The following PDE3A variants were observed in gnomAD, a reference collection of about 807,000 sequenced individuals.
The protein encoded by PDE3A is cGMP-inhibited 3',5'-cyclic phosphodiesterase 3A.
PDE3A carries 43 observed loss-of-function variants against 98.3 expected under a neutral mutation model. The ratio of observed to expected loss-of-function variants is 0.44; its 90% CI spans 0.34 to 0.56. The LOEUF (loss-of-function observed/expected upper bound fraction) is 0.56. PDE3A is among the 20% of genes least tolerant of loss of function. The probability of loss-of-function intolerance (pLI) is 0.01; values close to 1 mark genes in which losing one functional copy is unlikely to be tolerated. For missense variants in PDE3A, 1,427 were observed against 1,440.7 expected (o/e 0.99, Z 0.15); for synonymous variants, 663 against 567.9 (o/e 1.17, Z -2.38).
In PDE3A at chr12:20,685,207, G is replaced by C. The variant is rs1225240262; in HGVS notation, c.*4936G>C. On this transcript the variant is annotated 3_prime_UTR_variant, in exon 16 of 16. Transcript: ENST00000359062. ...GCTGGTGGATCACCTGAGGTCGGGA[G>C]TTCGACACCAGCCTGACCAACACGG... is the stretch of plus-strand genomic sequence containing the variant. 6.6e-6 allele frequency among the ~76,000 whole-genome samples: 1 copy of C among 152,010 alleles called. No homozygotes were observed. Among genetic ancestry groups the C allele is most frequent in the African/African-American group, 2.4e-5 (1 of 41,382 alleles).
intron 4 of PDE3A, among the ~76,000 whole-genome samples, chr12:20,620,939 C>CCGCATCGCAT (rs1239403116): frequency 1.3e-5 from 2 of 152,004 alleles, no homozygotes; most frequent in African/African-American, 4.8e-5. Context: ...GTAAATTCAC[C>CCGCATCGCAT]CGCATCTTAA....
At chr12:20,472,561 C>T (rs1483765853) in intron 1 of PDE3A, among the ~76,000 whole-genome samples, 1 of 139,902 alleles carries the variant, frequency 7.1e-6, no homozygotes, top group Admixed American at 7.4e-5. Flanking sequence ...CTAGTCATCC[C>T]TCAGGGGTTT....
intron 1 of PDE3A, among the ~76,000 whole-genome samples, chr12:20,374,571 T>C (rs990345521): frequency 6.6e-6 from 1 of 152,040 alleles, no homozygotes; most frequent in African/African-American, 2.4e-5. Context: ...GTGACATTTG[T>C]GTGAATTTGT....
At chr12:20,447,720 T>C (rs1465365020) in intron 1 of PDE3A, among the ~76,000 whole-genome samples, 2 of 152,174 alleles carry the variant, frequency 1.3e-5, no homozygotes, top group Admixed American at 6.5e-5. Flanking sequence ...TAAATAAATA[T>C]GAAATGTTTC....
chr12:20,530,015 T>C (rs1946595793), intron 1 of PDE3A, among the ~76,000 whole-genome samples: 1 of 152,208 alleles, frequency 6.6e-6, no homozygotes, highest in South Asian at 2.1e-4. Context: ...TTTTCTGTTG[T>C]CCATTTTTTT....
intron 2 of PDE3A, among the ~76,000 whole-genome samples, chr12:20,600,324 C>A (rs1943560405): frequency 6.6e-6 from 1 of 152,188 alleles, no homozygotes; most frequent in Non-Finnish European, 1.5e-5. Context: ...AGACTCTTAG[C>A]TACGTATCTT....
At chr12:20,384,157 G>C (rs1943706485) in intron 1 of PDE3A, among the ~76,000 whole-genome samples, 1 of 148,168 alleles carries the variant, frequency 6.7e-6, no homozygotes, top group Non-Finnish European at 1.5e-5. Context: ...TTTATTTCTT[G>C]CTTTAAAAAT....
intron 1 of PDE3A, among the ~76,000 whole-genome samples, chr12:20,392,440 G>T (rs1171546682): frequency 6.6e-6 from 1 of 151,754 alleles, no homozygotes; most frequent in Non-Finnish European, 1.5e-5. Context: ...GAAGTGGCTG[G>T]GGTGGGAGGA....
intron 1 of PDE3A, among the ~76,000 whole-genome samples, chr12:20,503,022 G>C (rs893896055): frequency 2.6e-5 from 4 of 152,080 alleles, no homozygotes; most frequent in African/African-American, 9.7e-5. Context: ...AAGCCTAAAT[G>C]AGATCATGTA....
chr12:20,370,586 TTTCC>T (rs1192916173), intron 1 of PDE3A, among the ~76,000 whole-genome samples: 2 of 152,142 alleles, frequency 1.3e-5, no homozygotes, highest in Non-Finnish European at 2.9e-5. Flanking sequence ...ACTCTTACGC[TTTCC>T]TTCCTTAGCA....
Position 20,529,530 on chromosome 12 carries a change from G to A in PDE3A, c.961-27130G>A, listed in dbSNP as rs76444336. ...GGTGGGTCCTAATTCAACATGACTGGTATCATTATAAAAAAGAGAAATTTG... is the reference window on the plus strand; with the variant it reads ...GGTGGGTCCTAATTCAACATGACTGATATCATTATAAAAAAGAGAAATTTG... On this transcript the variant is annotated intron_variant, in intron 1 of 15. Transcript: ENST00000359062. Among the ~76,000 whole-genome samples the A allele has an allele frequency of 7.7e-3, 1,175 of 152,134 alleles. 11 individuals are homozygous for A. The highest frequency in any genetic ancestry group is 0.012 in the Non-Finnish European group (803 of 68,002).
At chr12:20,667,818 T>C (rs1177999860) in intron 15 of PDE3A, among the ~76,000 whole-genome samples, 1 of 152,186 alleles carries the variant, frequency 6.6e-6, no homozygotes, top group African/African-American at 2.4e-5. Context: ...GTATTGGTAT[T>C]TTAAAAATAA....
At chr12:20,472,470 T>G (rs1202410116) in intron 1 of PDE3A, among the ~76,000 whole-genome samples, 2 of 152,136 alleles carry the variant, frequency 1.3e-5, no homozygotes, top group Non-Finnish European at 2.9e-5. Flanking sequence ...GAGATACCAC[T>G]TTGTTTTTCT....
At chr12:20,374,926 A>C (rs191268015) in intron 1 of PDE3A, among the ~76,000 whole-genome samples, 2 of 152,092 alleles carry the variant, frequency 1.3e-5, no homozygotes, top group Non-Finnish European at 2.9e-5. Context: ...TGTGAAGATA[A>C]TCAATGCAAC....
rs372059768 is a variant in PDE3A at position 20,473,125 on chromosome 12, G to T, written c.961-83535G>T. Among the ~76,000 whole-genome samples, 100 of 152,182 alleles carry T rather than the reference G, an allele frequency of 6.6e-4. 2 individuals are homozygous for T. In the East Asian group the frequency reaches 0.016, roughly 24 times the overall value. ...CTTCTAGTGAGTTGTGTCATTGAAT[G>T]TTTTAGATAAAATCTTTGAATTATG... is the stretch of plus-strand genomic sequence containing the variant. On this transcript the variant is annotated intron_variant, in intron 1 of 15. Coordinates refer to ENST00000359062, the MANE Select transcript of PDE3A (RefSeq NM_000921.5).
intron 1 of PDE3A, among the ~76,000 whole-genome samples, chr12:20,453,432 G>A (rs1262018804): frequency 6.6e-6 from 1 of 151,886 alleles, no homozygotes; most frequent in Non-Finnish European, 1.5e-5. Context: ...TGCCCACCTT[G>A]GCTACTCAAT....
intron 9 of PDE3A, among the ~76,000 whole-genome samples, chr12:20,637,667 C>T (rs975595586): frequency 1.9e-4 from 29 of 152,064 alleles, no homozygotes; most frequent in African/African-American, 7.0e-4. Flanking sequence ...AAAGATAATA[C>T]ATTGTGCCAA....
chr12:20,537,834 A>C (rs1452731151), intron 1 of PDE3A, among the ~76,000 whole-genome samples: 4 of 139,302 alleles, frequency 2.9e-5, no homozygotes, highest in Non-Finnish European at 6.1e-5. Context: ...TTGTAGGACT[A>C]TCTGCCTTTG....
chr12:20,463,805 C>T (rs1336065261), intron 1 of PDE3A, among the ~76,000 whole-genome samples: 1 of 152,090 alleles, frequency 6.6e-6, no homozygotes, highest in Non-Finnish European at 1.5e-5. Flanking sequence ...AATCCCACTT[C>T]CCAGGCTGGG....
Sources: gnomAD v4.1 joint callset for allele counts (sites outside exome capture counted in the v4.1 genomes callset) on GRCh38, gnomAD v4.1.1 for gene constraint, MANE v1.5 for transcripts, NCBI Gene and HGNC (gene_info 2026-07-23, HGNC 2026-07-21) for gene names.